Variants in XKR6 observed in about 807,000 individuals in gnomAD.
XKR6 encodes XK-related protein 6.
In XKR6, 22 loss-of-function variants were observed where a neutral mutation model predicts 56.7. The ratio of observed to expected loss-of-function variants is 0.39; its 90% CI spans 0.28 to 0.55. The LOEUF is 0.55. Ranked by LOEUF, XKR6 falls within the 20% of genes least tolerant of loss-of-function variation. The pLI is 0.66. For synonymous variants in XKR6, 524 were observed against 387.8 expected (o/e 1.35, Z -4.13); for missense variants, 852 against 889.0 (o/e 0.96, Z 0.53).
At chr8:10,930,760 T>C (rs1333373273) in intron 1 of XKR6, among the ~76,000 whole-genome samples, 2 of 152,188 alleles carry the variant, frequency 1.3e-5, no homozygotes, top group East Asian at 1.9e-4. Flanking sequence ...AAACTAGAAA[T>C]AGAAGGGAAC....
intron 1 of XKR6, chr8:11,035,228 G>C (rs1334615644): frequency 3.7e-6 from 2 of 534,776 alleles, no homozygotes; most frequent in Admixed American, 1.9e-5. Flanking sequence ...TGATGACGAT[G>C]ACAACGATGA....
At chr8:11,077,176 C>T (rs570075083) in intron 1 of XKR6, among the ~76,000 whole-genome samples, 20 of 152,256 alleles carry the variant, frequency 1.3e-4, no homozygotes, top group South Asian at 4.2e-4. Flanking sequence ...GACTCTGTCT[C>T]TAAGAAAAAC....
At chr8:10,969,385 A>G (rs1802331348) in intron 1 of XKR6, among the ~76,000 whole-genome samples, 1 of 152,252 alleles carries the variant, frequency 6.6e-6, no homozygotes, top group Non-Finnish European at 1.5e-5. Context: ...ACCCAGTGGT[A>G]TCCAAAGGAA....
At chr8:11,180,081 G>C (rs1000778301) in intron 1 of XKR6, among the ~76,000 whole-genome samples, 3 of 152,188 alleles carry the variant, frequency 2.0e-5, no homozygotes, top group African/African-American at 7.2e-5. Context: ...TGAGGTTGCA[G>C]TGAGCTATGA....
intron 1 of XKR6, among the ~76,000 whole-genome samples, chr8:10,962,237 C>T (rs1468574221): frequency 1.3e-5 from 2 of 152,208 alleles, no homozygotes; most frequent in Non-Finnish European, 2.9e-5. Flanking sequence ...AACCCCAAAA[C>T]ATAATATTAT....
intron 1 of XKR6, among the ~76,000 whole-genome samples, chr8:11,021,626 T>A (rs371013044): frequency 6.6e-5 from 10 of 152,028 alleles, no homozygotes; most frequent in African/African-American, 2.2e-4. Context: ...GCACACAGGA[T>A]CCCAAACGCT....
At chr8:10,909,132 C>A (rs953727268) in intron 2 of XKR6, among the ~76,000 whole-genome samples, 1 of 151,510 alleles carries the variant, frequency 6.6e-6, no homozygotes. Flanking sequence ...CGCCACTGCA[C>A]TCCAGCCTGG....
At chr8:11,166,143 G>A (rs1186103680) in intron 1 of XKR6, among the ~76,000 whole-genome samples, 1 of 152,058 alleles carries the variant, frequency 6.6e-6, no homozygotes, top group African/African-American at 2.4e-5. Context: ...TTTTTGCAGA[G>A]ACGGGGTTTT....
intron 1 of XKR6, among the ~76,000 whole-genome samples, chr8:11,161,503 T>C (rs911039380): frequency 2.0e-5 from 3 of 152,220 alleles, no homozygotes; most frequent in Non-Finnish European, 2.9e-5. Context: ...GAACTACAAC[T>C]AAACTCAGTA....
chr8:11,178,232 C>A (rs957944831), intron 1 of XKR6, among the ~76,000 whole-genome samples: 1 of 152,120 alleles, frequency 6.6e-6, no homozygotes, highest in Non-Finnish European at 1.5e-5. Context: ...GCACTCTCAA[C>A]AACAAATCTG....
intron 2 of XKR6, among the ~76,000 whole-genome samples, chr8:10,903,842 C>G (rs1002051611): frequency 2.0e-5 from 3 of 152,210 alleles, no homozygotes; most frequent in Admixed American, 2.0e-4. Context: ...GAACTGTGCA[C>G]AGCCACCGCC....
intron 1 of XKR6, among the ~76,000 whole-genome samples, chr8:11,115,130 G>A (rs1271066971): frequency 2.0e-5 from 3 of 152,284 alleles, no homozygotes; most frequent in Admixed American, 2.0e-4. Flanking sequence ...ACAGAATGAG[G>A]CTGCAGGATT....
intron 1 of XKR6, among the ~76,000 whole-genome samples, chr8:11,065,243 T>C (rs539407382): frequency 6.6e-4 from 101 of 152,330 alleles, no homozygotes; most frequent in Non-Finnish European, 5.4e-4. Flanking sequence ...TAGAGCTGAA[T>C]TTTTTCTAAC....
intron 1 of XKR6, chr8:11,124,857 G>A (rs2116869102): frequency 6.6e-6 from 1 of 151,922 alleles, no homozygotes; most frequent in South Asian, 2.1e-4. Flanking sequence ...GGCTGAGGCA[G>A]GTGAATCATG....
rs575877098 is a variant in XKR6 at position 11,200,323 on chromosome 8, G to A, written c.764+253C>T. ...AGAGGGGACGGGGAGGGCAGGTTGGGGCAAGAGCCCCGCCGAGTGCGAAGC... is the reference window on the plus strand; with the variant it reads ...AGAGGGGACGGGGAGGGCAGGTTGGAGCAAGAGCCCCGCCGAGTGCGAAGC... On this transcript the variant is annotated intron_variant, in intron 1 of 2. Coordinates refer to ENST00000416569, the MANE Select transcript of XKR6 (RefSeq NM_173683.4). This position sits in a 1 kb window ranked among gnomAD's most constrained non-coding sequence, Gnocchi z 6.4. 6.6e-6 allele frequency among the ~76,000 whole-genome samples: 1 copy of A among 152,326 alleles called. No homozygotes were observed. Among genetic ancestry groups the A allele is most frequent in the African/African-American group, 2.4e-5 (1 of 41,578 alleles).
At chr8:11,078,075 T>G (rs888712946) in intron 1 of XKR6, among the ~76,000 whole-genome samples, 4 of 152,266 alleles carry the variant, frequency 2.6e-5, no homozygotes, top group Middle Eastern at 6.8e-3. Flanking sequence ...GTTAAAGCCC[T>G]CTGGGAAAAC....
At position 11,171,692 on chromosome 8, in the gene XKR6, G is replaced by A. The variant is rs147330897; in HGVS notation, c.764+28884C>T. Reference sequence around the variant, plus strand: ...CCTGAGGCCCTCACTGGAAACAGACGCCAGGGCCGTGCTTCTTGTACAACC... The same window carrying A: ...CCTGAGGCCCTCACTGGAAACAGACACCAGGGCCGTGCTTCTTGTACAACC... On this transcript the variant is annotated intron_variant, in intron 1 of 2. Coordinates refer to ENST00000416569, the MANE Select transcript of XKR6 (RefSeq NM_173683.4). 3.8e-4 allele frequency among the ~76,000 whole-genome samples: 58 copies of A among 152,250 alleles called. No individual in the cohort carries two copies. The East Asian group carries it at 0.01, about 27-fold the overall frequency.
intron 1 of XKR6, among the ~76,000 whole-genome samples, chr8:11,164,426 C>A (rs1034346154): frequency 1.3e-5 from 2 of 152,098 alleles, no homozygotes; most frequent in Admixed American, 6.5e-5. Flanking sequence ...CCTGCATTTA[C>A]GTTATTCTAA....
chr8:11,161,459 C>T (rs898517382), intron 1 of XKR6, among the ~76,000 whole-genome samples: 5 of 152,232 alleles, frequency 3.3e-5, no homozygotes, highest in African/African-American at 9.6e-5. Flanking sequence ...ACTCTTTTCA[C>T]TCACCCATAA....
Sources: allele counts gnomAD v4.1 joint callset (sites outside exome capture counted in the v4.1 genomes callset), GRCh38; gene constraint gnomAD v4.1.1; non-coding constraint Gnocchi (gnomAD v3.1); transcripts MANE v1.5; gene names NCBI Gene and HGNC (gene_info 2026-07-23, HGNC 2026-07-21).